The following RABGAP1L variants were observed in gnomAD, a reference collection of about 807,000 sequenced individuals.
RABGAP1L encodes RAB GTPase activating protein 1 like.
In RABGAP1L, 63 loss-of-function variants were observed where a neutral mutation model predicts 137.7. The ratio of observed to expected loss-of-function variants is 0.46; its 90% CI spans 0.37 to 0.56. The LOEUF (loss-of-function observed/expected upper bound fraction) is 0.56, where lower values mean the gene tolerates loss of function less well. RABGAP1L is among the 20% of genes least tolerant of loss of function. RABGAP1L has a pLI of 0.00. For missense variants in RABGAP1L, 1,095 were observed against 1,244.0 expected, an observed-to-expected ratio of 0.88 and a Z score of 1.80; for synonymous variants, 431 against 433.7, an observed-to-expected ratio of 0.99 and a Z score of 0.08.
intron 1 of RABGAP1L, among the ~76,000 whole-genome samples, chr1:174,211,109 GA>G (rs1668851380): frequency 6.6e-6 from 1 of 152,094 alleles, no homozygotes; most frequent in Admixed American, 6.6e-5. Context: ...CAACCAGAAA[GA>G]AAAGAACGTT....
intron 14 of RABGAP1L, 40 bp from the exon 15 acceptor site, chr1:174,683,482 G>T: frequency 1.3e-6 from 2 of 1,488,856 alleles, no homozygotes; most frequent in South Asian, 1.2e-5. Flanking sequence ...TAAAATCTGT[G>T]ACTATTTACG....
At chr1:174,244,835 C>T (rs1672121492) in intron 5 of RABGAP1L, 1 of 152,126 alleles carries the variant, frequency 6.6e-6, no homozygotes, top group Admixed American at 6.5e-5. Flanking sequence ...GCCAGTGTAA[C>T]CATTCTATGC....
chr1:174,531,244 A>G (rs1423596473), intron 13 of RABGAP1L, among the ~76,000 whole-genome samples: 2 of 152,152 alleles, frequency 1.3e-5, no homozygotes, highest in African/African-American at 4.8e-5. Context: ...TCATATACCT[A>G]TCAGAGATGG....
intron 13 of RABGAP1L, among the ~76,000 whole-genome samples, chr1:174,505,242 C>CTATA (rs1661711321): frequency 6.6e-6 from 1 of 152,142 alleles, no homozygotes; most frequent in Non-Finnish European, 1.5e-5. Context: ...TTGAGAAAAG[C>CTATA]TATAATATGA....
chr1:174,264,088 T>C (rs1258761364), intron 7 of RABGAP1L, among the ~76,000 whole-genome samples: 1 of 152,062 alleles, frequency 6.6e-6, no homozygotes, highest in Non-Finnish European at 1.5e-5. Context: ...AGTAGGACTT[T>C]AAGCAATTAA....
chr1:174,489,571 A>G (rs1275231751), intron 13 of RABGAP1L, among the ~76,000 whole-genome samples: 2 of 134,216 alleles, frequency 1.5e-5, no homozygotes, highest in African/African-American at 2.5e-5. Flanking sequence ...ACACTTTTAT[A>G]TGGTTGGTGG....
chr1:174,614,591 A>G (rs767197600), intron 13 of RABGAP1L, among the ~76,000 whole-genome samples: 8 of 152,064 alleles, frequency 5.3e-5, no homozygotes, highest in East Asian at 1.9e-4. Flanking sequence ...TCTTTGTGGC[A>G]TTCTCTGTAT....
chr1:174,303,744 C>T (rs1677943259), intron 10 of RABGAP1L, among the ~76,000 whole-genome samples: 1 of 152,078 alleles, frequency 6.6e-6, no homozygotes, highest in Admixed American at 6.6e-5. Context: ...AGTTCAGATT[C>T]TGCTTGTATA....
At chr1:174,915,280 T>C (rs1485356856) in intron 19 of RABGAP1L, among the ~76,000 whole-genome samples, 2 of 152,224 alleles carry the variant, frequency 1.3e-5, no homozygotes, top group Admixed American at 1.3e-4. Flanking sequence ...ACATTTTATA[T>C]TCCCACCAGT....
intron 14 of RABGAP1L, among the ~76,000 whole-genome samples, chr1:174,673,949 C>T (rs1341720758): frequency 1.3e-5 from 2 of 151,854 alleles, no homozygotes; most frequent in Admixed American, 6.6e-5. Flanking sequence ...TCAATAAATC[C>T]CATAGTATGT....
chr1:174,335,252 C>T (rs1017912180), intron 11 of RABGAP1L, among the ~76,000 whole-genome samples: 1 of 152,144 alleles, frequency 6.6e-6, no homozygotes, highest in Non-Finnish European at 1.5e-5. Context: ...AAATGCTTTC[C>T]TGCTGTGGGG....
intron 13 of RABGAP1L, among the ~76,000 whole-genome samples, chr1:174,434,763 A>G (rs1054684839): frequency 6.6e-6 from 1 of 151,782 alleles, no homozygotes; most frequent in African/African-American, 2.4e-5. Context: ...CATTTTCTTA[A>G]TGGTTATTTG....
chr1:174,795,321 G>A (rs1232327471), intron 18 of RABGAP1L, among the ~76,000 whole-genome samples: 1 of 152,114 alleles, frequency 6.6e-6, no homozygotes, highest in Non-Finnish European at 1.5e-5. Flanking sequence ...CTCTTGTGAA[G>A]GTGCCTCGCC....
intron 17 of RABGAP1L, among the ~76,000 whole-genome samples, chr1:174,707,105 C>T (rs1033134161): frequency 1.3e-5 from 2 of 152,178 alleles, no homozygotes; most frequent in Non-Finnish European, 2.9e-5. Flanking sequence ...GATGCACATA[C>T]ATTCAGCTTT....
chr1:174,400,535 C>A (rs1648443939), intron 13 of RABGAP1L, among the ~76,000 whole-genome samples: 1 of 151,990 alleles, frequency 6.6e-6, no homozygotes, highest in Admixed American at 6.6e-5. Flanking sequence ...GTTATTTATT[C>A]TGTTTTTCTT....
chr1:174,176,741 A>AAAAAAAAAT (rs755688394), intron 1 of RABGAP1L, among the ~76,000 whole-genome samples: 1 of 111,778 alleles, frequency 8.9e-6, no homozygotes, highest in African/African-American at 3.6e-5. Flanking sequence ...AAAAAAAAAA[A>AAAAAAAAAT]AAAAAGGTCA....
intron 13 of RABGAP1L, among the ~76,000 whole-genome samples, chr1:174,434,987 T>G (rs922667021): frequency 6.6e-6 from 1 of 152,220 alleles, no homozygotes; most frequent in African/African-American, 2.4e-5. Flanking sequence ...TTTATTAAAC[T>G]TTTTTATAGT....
At chr1:174,346,945 T>G (rs866195443) in intron 11 of RABGAP1L, among the ~76,000 whole-genome samples, 37 of 152,162 alleles carry the variant, frequency 2.4e-4, no homozygotes, top group African/African-American at 8.4e-4. Flanking sequence ...TTTCAATAAA[T>G]TTTAAAATTT....
intron 18 of RABGAP1L, among the ~76,000 whole-genome samples, chr1:174,801,116 A>C (rs537199611): frequency 6.6e-6 from 1 of 152,314 alleles, no homozygotes; most frequent in South Asian, 2.1e-4. Flanking sequence ...CCTGAATAAG[A>C]GAAAAATCAC....
Sources: gnomAD v4.1 joint callset for allele counts (sites outside exome capture counted in the v4.1 genomes callset) on GRCh38, gnomAD v4.1.1 for gene constraint, MANE v1.5 for transcripts, NCBI Gene and HGNC (gene_info 2026-07-23, HGNC 2026-07-21) for gene names.